ERICH1: variants seen among roughly 807,000 people sequenced by gnomAD.
ERICH1 encodes the protein glutamate-rich protein 1.
In ERICH1, 56 loss-of-function variants were observed where a neutral mutation model predicts 39.6. That is an observed-to-expected ratio of 1.41 (90% CI 1.14 to 1.77). The LOEUF is 1.77. ERICH1 is among the 40% of genes most tolerant of loss of function. The pLI, the probability that ERICH1 is intolerant of heterozygous loss-of-function variation, is 0.00. For missense variants in ERICH1, 826 were observed against 575.4 expected (o/e 1.44, Z -4.45); for synonymous variants, 313 against 223.6 (o/e 1.40, Z -3.57).
intron 3 of ERICH1, among the ~76,000 whole-genome samples, chr8:621,379 A>G (rs995726939): frequency 6.6e-6 from 1 of 152,150 alleles, no homozygotes; most frequent in Non-Finnish European, 1.5e-5. Context: ...ACAACAAAAG[A>G]TAAGTGTGTG....
chr8:708,681 G>GTTTTTTGTTTTTTTTTTTTGTTT lies in ERICH1; in HGVS notation c.169+7179_169+7180insAAACAAAAAAAAAAAACAAAAAA. On this transcript the variant is annotated intron_variant, in intron 2 of 5. Transcript: ENST00000262109. The stretch of plus-strand genomic sequence containing the variant: ...GGGCTGAGTGGTTACGGGATAATGA[G>GTTTTTTGTTTTTTTTTTTTGTTT]TTTTTTTTTTTTTTTTTTTTTTTTT... Among the ~76,000 whole-genome samples the GTTTTTTGTTTTTTTTTTTTGTTT allele has an allele frequency of 2.0e-4, 13 of 65,814 alleles. 1 individual carries two copies. The highest frequency in any genetic ancestry group is 3.0e-5 in the Non-Finnish European group (1 of 33,654). 43.2% of individuals were successfully genotyped at this position (65,814 alleles called of 152,430 possible).
At chr8:678,896 C>T (rs959380851) in intron 3 of ERICH1, among the ~76,000 whole-genome samples, 13 of 152,144 alleles carry the variant, frequency 8.5e-5, no homozygotes, top group African/African-American at 3.1e-4. Context: ...CAACGTCCCT[C>T]ACGGCTCTGG....
At chr8:614,811 G>T in exon 4 of ERICH1, 1 of 170,204 alleles carries the variant, frequency 5.9e-6, no homozygotes, top group Non-Finnish European at 1.2e-5. Flanking sequence ...CGACAAGATG[G>T]TAGCTGTGGA....
chr8:652,811 TAAG>T (rs1264292881), intron 3 of ERICH1, among the ~76,000 whole-genome samples: 1 of 152,170 alleles, frequency 6.6e-6, no homozygotes, highest in African/African-American at 2.4e-5. Flanking sequence ...GAAATTCTCC[TAAG>T]AAGATAGACA....
chr8:695,606 C>G (rs1585390482), intron 2 of ERICH1, among the ~76,000 whole-genome samples: 1 of 32,318 alleles, frequency 3.1e-5, no homozygotes, highest in South Asian at 1.7e-3. Context: ...CCCTCCACTC[C>G]TCTCCTTCCT....
At chr8:708,681 GTTTTTTTTTTTTT>G (rs139731216) in intron 2 of ERICH1, among the ~76,000 whole-genome samples, 3,710 of 65,786 alleles carry the variant, frequency 0.056, 150 homozygotes, top group Middle Eastern at 0.1. Context: ...GGGATAATGA[GTTTTTTTTTTTTT>G]TTTTTTTTTT....
chr8:688,312 CGG>C, intron 3 of ERICH1, among the ~76,000 whole-genome samples: 1 of 141,986 alleles, frequency 7.0e-6, no homozygotes, highest in African/African-American at 2.8e-5. Context: ...CGCCCCGCCC[CGG>C]GCCACCCCAC....
At chr8:728,421 T>C (rs1819292785) in intron 1 of ERICH1, among the ~76,000 whole-genome samples, 2 of 152,010 alleles carry the variant, frequency 1.3e-5, no homozygotes, top group Admixed American at 6.6e-5. Context: ...CCCGGGCAGC[T>C]CCTAAGGTCC....
intron 1 of ERICH1, among the ~76,000 whole-genome samples, chr8:724,862 G>A (rs1585717579): frequency 1.3e-5 from 2 of 152,318 alleles, no homozygotes; most frequent in East Asian, 1.9e-4. Flanking sequence ...CAGAACCCGG[G>A]AAGCAGCTGT....
At chr8:632,095 G>A (rs979666486) in intron 3 of ERICH1, among the ~76,000 whole-genome samples, 3 of 152,156 alleles carry the variant, frequency 2.0e-5, no homozygotes, top group African/African-American at 4.8e-5. Flanking sequence ...GCAGGGCTGC[G>A]AGTCCCACTG....
chr8:700,137 C>T (rs572517630), intron 2 of ERICH1, among the ~76,000 whole-genome samples: 91 of 135,842 alleles, frequency 6.7e-4, no homozygotes, highest in African/African-American at 2.5e-3. Flanking sequence ...GCGCACAGAC[C>T]CGCACAGGCG....
Position 664,403 on chromosome 8 carries a change from T to C in ERICH1, c.*200A>G, listed in dbSNP as rs1801880277. On this transcript the variant is annotated 3_prime_UTR_variant, in exon 6 of 6. Transcript: ENST00000262109. ...AATTCAAGATATATATAATTGCAAA[T>C]AAGTGAAAAATTTCCATTTTACCCC... is the stretch of plus-strand genomic sequence containing the variant. 1.6e-6 allele frequency: 2 copies of C among 1,237,524 alleles called. No individual in the cohort carries two copies. Among genetic ancestry groups the C allele is most frequent in the Non-Finnish European group, 1.0e-6 (1 of 989,154 alleles). 76.7% of individuals were successfully genotyped at this position (1,237,524 alleles called of 1,614,324 possible).
intron 3 of ERICH1, chr8:640,562 G>C (rs999413821): frequency 3.3e-5 from 5 of 152,244 alleles, no homozygotes; most frequent in Non-Finnish European, 5.9e-5. Context: ...TAGTGAGAAT[G>C]TAATGTGATA....
chr8:686,658 C>T (rs972580911), intron 3 of ERICH1: 8 of 152,274 alleles, frequency 5.3e-5, no homozygotes, highest in Non-Finnish European at 8.8e-5. Context: ...GAAACCATCA[C>T]AGCCTTTTCT....
intron 3 of ERICH1, among the ~76,000 whole-genome samples, chr8:653,162 T>G (rs1330910657): frequency 2.0e-5 from 3 of 152,132 alleles, no homozygotes; most frequent in Non-Finnish European, 4.4e-5. Context: ...ATGTACAGAG[T>G]AACATTATTC....
At chr8:652,160 C>T (rs1800046056) in intron 3 of ERICH1, among the ~76,000 whole-genome samples, 1 of 152,228 alleles carries the variant, frequency 6.6e-6, no homozygotes, top group Non-Finnish European at 1.5e-5. Flanking sequence ...CCCATCGACG[C>T]CTTCCCTGAA....
intron 3 of ERICH1, among the ~76,000 whole-genome samples, chr8:638,479 C>T (rs1366944833): frequency 1.3e-5 from 2 of 152,136 alleles, no homozygotes; most frequent in Non-Finnish European, 2.9e-5. Flanking sequence ...TGGGAAGGTT[C>T]GTGGGTTCAA....
At chr8:631,603 G>C (rs1798043255) in intron 3 of ERICH1, among the ~76,000 whole-genome samples, 1 of 152,164 alleles carries the variant, frequency 6.6e-6, no homozygotes, top group Non-Finnish European at 1.5e-5. Context: ...AGGGAGTGGG[G>C]GCAATGCCGA....
In ERICH1 at chr8:715,844, T is replaced by G. The variant is rs775376875; in HGVS notation, c.169+17A>C. ...CTTCAGTTTCTGAGACCCACCCACA[T>G]CTGCAGACAAACTCACCTGTCAAAG... is the stretch of plus-strand genomic sequence containing the variant. On this transcript the variant is annotated intron_variant, in intron 2 of 5. Coordinates refer to ENST00000262109, the MANE Select transcript of ERICH1 (RefSeq NM_207332.3). 3 of 1,602,390 alleles carry G rather than the reference T, an allele frequency of 1.9e-6. No homozygotes were observed. Among genetic ancestry groups the G allele is most frequent in the Non-Finnish European group, 2.6e-6 (3 of 1,175,558 alleles).
Sources: allele counts gnomAD v4.1 joint callset (sites outside exome capture counted in the v4.1 genomes callset), GRCh38; gene constraint gnomAD v4.1.1; transcripts MANE v1.5; gene names NCBI Gene and HGNC (gene_info 2026-07-23, HGNC 2026-07-21).